Variants in DIP2C observed in about 807,000 individuals in gnomAD.
DIP2C encodes DIP2 acetate--CoA ligase C (putative), also known as disco-interacting protein 2 homolog C.
Under a neutral mutation model 192.4 loss-of-function variants are expected in DIP2C, and 33 were observed. The ratio of observed to expected loss-of-function variants is 0.17; its 90% CI spans 0.13 to 0.23. The LOEUF is 0.23. Ranked by LOEUF, DIP2C falls within the 10% of genes least tolerant of loss-of-function variation. The pLI is 1.00. For synonymous variants in DIP2C, 979 were observed against 864.1 expected, an observed-to-expected ratio of 1.13 and a Z score of -2.33; for missense variants, 1,537 against 2,110.1, an observed-to-expected ratio of 0.73 and a Z score of 5.32.
chr10:517,013 G>A (rs1846406612), intron 1 of DIP2C, among the ~76,000 whole-genome samples: 1 of 151,620 alleles, frequency 6.6e-6, no homozygotes, highest in African/African-American at 2.4e-5. Flanking sequence ...GCCCATCAGG[G>A]GCTTCCTCAC....
chr10:446,544 G>A (rs1414024528), intron 3 of DIP2C, among the ~76,000 whole-genome samples: 4 of 152,326 alleles, frequency 2.6e-5, no homozygotes, highest in African/African-American at 9.6e-5. Context: ...AGTGTCTCAT[G>A]CCTTCCAAGT....
chr10:436,277 G>T (rs867797557), intron 4 of DIP2C, among the ~76,000 whole-genome samples: 1 of 152,210 alleles, frequency 6.6e-6, no homozygotes, highest in African/African-American at 2.4e-5. Context: ...TGTGGGTAAC[G>T]TGTTGAGCAC....
chr10:369,323 C>T (rs1039978835), intron 18 of DIP2C, among the ~76,000 whole-genome samples, 171 bp downstream of exon 18: 1 of 152,244 alleles, frequency 6.6e-6, no homozygotes, highest in African/African-American at 2.4e-5. Flanking sequence ...AGAGGGAACA[C>T]TGCCTCAAAT....
intron 3 of DIP2C, among the ~76,000 whole-genome samples, chr10:472,071 T>C (rs1239454392): frequency 6.6e-6 from 1 of 152,136 alleles, no homozygotes; most frequent in Non-Finnish European, 1.5e-5. Flanking sequence ...TTCATTTCTG[T>C]TTAGAAAAGT....
At chr10:285,929 G>A (rs1955098480) in intron 34 of DIP2C, among the ~76,000 whole-genome samples, 1 of 152,194 alleles carries the variant, frequency 6.6e-6, no homozygotes. Flanking sequence ...CTTTCCTGGT[G>A]AAGGACTTCT....
At chr10:522,204 C>T (rs113206436) in intron 1 of DIP2C, among the ~76,000 whole-genome samples, 1 of 152,234 alleles carries the variant, frequency 6.6e-6, no homozygotes, top group South Asian at 2.1e-4. Context: ...CCAGATTGGA[C>T]TCTCACTTAG....
intron 17 of DIP2C, among the ~76,000 whole-genome samples, chr10:380,943 A>G (rs1232357345): frequency 2.0e-5 from 3 of 152,238 alleles, no homozygotes; most frequent in Non-Finnish European, 4.4e-5. Context: ...GTGGCACACA[A>G]CTGAAACCCC....
chr10:539,734 A>G (rs1847879118), intron 1 of DIP2C, among the ~76,000 whole-genome samples: 1 of 152,202 alleles, frequency 6.6e-6, no homozygotes, highest in Non-Finnish European at 1.5e-5. Context: ...AAGTTTATTG[A>G]ACACAAATCA....
chr10:630,742 T>TTG (rs1277846745), intron 1 of DIP2C: 1 of 152,240 alleles, frequency 6.6e-6, no homozygotes, highest in Non-Finnish European at 1.5e-5. Flanking sequence ...TCAAGGAACC[T>TTG]CATAAGTCTT....
At chr10:463,669 A>G (rs1172904617) in intron 3 of DIP2C, among the ~76,000 whole-genome samples, 1 of 152,188 alleles carries the variant, frequency 6.6e-6, no homozygotes, top group Admixed American at 6.5e-5. Flanking sequence ...ACCAAAAAAC[A>G]GAGCCCACAT....
intron 32 of DIP2C, among the ~76,000 whole-genome samples, chr10:304,198 A>G (rs1051471164): frequency 2.0e-5 from 3 of 152,218 alleles, no homozygotes; most frequent in Non-Finnish European, 4.4e-5. Context: ...ATACGTTTAT[A>G]CAACTGGCAG....
rs184002800 is a variant in DIP2C at position 602,960 on chromosome 10, G to T, written c.85+86534C>A. Among the ~76,000 whole-genome samples, 82 of 152,224 alleles carry T rather than the reference G, an allele frequency of 5.4e-4. 2 individuals carry two copies. The East Asian group carries it at 0.015, about 28-fold the overall frequency. On this transcript the variant is annotated intron_variant, in intron 1 of 36. Coordinates refer to ENST00000280886, the MANE Select transcript of DIP2C (RefSeq NM_014974.3). ...AACACCCCTCACCGGAGCCGTTGGG[G>T]GAGGCAAGAGTGCTGGGTGATTAAC...
chr10:607,244 T>C (rs1268310449), intron 1 of DIP2C, among the ~76,000 whole-genome samples: 1 of 152,196 alleles, frequency 6.6e-6, no homozygotes, highest in Non-Finnish European at 1.5e-5. Context: ...CCTGCCTCTT[T>C]TAAGGCAGCT....
At chr10:490,492 G>GAA (rs1564782194) in intron 1 of DIP2C, among the ~76,000 whole-genome samples, 2 of 152,130 alleles carry the variant, frequency 1.3e-5, no homozygotes, top group African/African-American at 4.8e-5. Context: ...AGGCTATTTC[G>GAA]AAAGTCAACT....
At chr10:345,149 C>A in intron 26 of DIP2C, 39 bp from the exon 27 acceptor site, 2 of 1,573,746 alleles carry the variant, frequency 1.3e-6, no homozygotes, top group Non-Finnish European at 1.7e-6. Flanking sequence ...TGAACGTGGA[C>A]CCAGATGAAA....
Position 344,899 on chromosome 10 carries a change from C to T in DIP2C, c.3363G>A (p.Arg1121=). ...ILDTDDLPKK[R]PAQICKPCNP... ...TGCAAGGTTTGCAGATCTGGGCAGG[C>T]CGCTTCTTTGGCAAATCATCTGGAG... The change falls in exon 28 of 37, where the codon CGG becomes CGA. Residue 1121 remains arginine (R), a synonymous_variant. Transcript: ENST00000280886. 1 of 1,607,058 alleles carries T rather than the reference C, an allele frequency of 6.2e-7. No individual in the cohort carries two copies. The highest frequency in any genetic ancestry group is 2.2e-5 in the East Asian group (1 of 44,726).
At chr10:369,689 C>T (rs764035160) in intron 17 of DIP2C, 56 bp from the exon 18 acceptor site, 1 of 1,613,226 alleles carries the variant, frequency 6.2e-7, no homozygotes, top group Non-Finnish European at 8.5e-7. Context: ...ATCACAATCA[C>T]AGATGTGCAG....
chr10:567,380 T>A (rs1212968182), intron 1 of DIP2C, among the ~76,000 whole-genome samples: 1 of 152,072 alleles, frequency 6.6e-6, no homozygotes, highest in African/African-American at 2.4e-5. Flanking sequence ...TTAGTAGAGA[T>A]GGGGTTTTAC....
rs1959722739 is a variant in DIP2C, at chr10:363,018, C to CA, written c.2592+178dup. ...CAGCTGTGCAAATTCCTGGTCCCTA[C>CA]ACCCTCGATCTGCTGAGCTAGTTTC... On this transcript the variant is annotated intron_variant, in intron 21 of 36. Transcript: ENST00000280886. The surrounding 1 kb of genome is among the most constrained non-coding windows in gnomAD (Gnocchi z 5.4). 6.6e-6 allele frequency among the ~76,000 whole-genome samples: 1 copy of CA among 152,210 alleles called. No homozygotes were observed. The highest frequency in any genetic ancestry group is 2.4e-5 in the African/African-American group (1 of 41,438).
Sources: gnomAD v4.1 joint callset for allele counts (sites outside exome capture counted in the v4.1 genomes callset) on GRCh38, gnomAD v4.1.1 for gene constraint, Gnocchi (gnomAD v3.1) non-coding constraint, MANE v1.5 for transcripts, NCBI Gene and HGNC (gene_info 2026-07-23, HGNC 2026-07-21) for gene names.